OPCML: variants seen among roughly 807,000 people sequenced by gnomAD.
The protein encoded by OPCML is opioid binding protein/cell adhesion molecule like.
In OPCML, 13 loss-of-function variants were observed where a neutral mutation model predicts 37.8. That is an observed-to-expected ratio of 0.34 (90% CI 0.22 to 0.55). OPCML has a LOEUF of 0.55. Ranked by LOEUF, OPCML falls within the 20% of genes least tolerant of loss-of-function variation. The pLI is 0.91. For missense variants in OPCML, 341 were observed against 435.6 expected (o/e 0.78, Z 1.93); for synonymous variants, 176 against 168.8 (o/e 1.04, Z -0.33).
At chr11:133,355,677 G>A (rs761068933) in intron 1 of OPCML, among the ~76,000 whole-genome samples, 6 of 152,122 alleles carry the variant, frequency 3.9e-5, no homozygotes, top group African/African-American at 9.7e-5. Flanking sequence ...TTCAGTCATC[G>A]CTTCAGCTCT....
chr11:132,529,019 A>T, intron 4 of OPCML, 42 bp downstream of exon 4: 2 of 1,288,762 alleles, frequency 1.6e-6, no homozygotes, highest in Non-Finnish European at 2.2e-6. Context: ...CCAAGACTTT[A>T]ACATACTACC....
At chr11:133,140,841 C>CGACGACGAAGAAGAA (rs1949782284) in intron 1 of OPCML, among the ~76,000 whole-genome samples, 1 of 5,910 alleles carries the variant, frequency 1.7e-4, no homozygotes, top group African/African-American at 2.5e-4. Context: ...ACGAAGAAGA[C>CGACGACGAAGAAGAA]GACGACGACG....
chr11:133,064,482 C>A (rs1436432419), intron 1 of OPCML, among the ~76,000 whole-genome samples: 4 of 152,222 alleles, frequency 2.6e-5, no homozygotes, highest in Non-Finnish European at 4.4e-5. Context: ...GGAGAAGGGA[C>A]GGCCAGCTGG....
chr11:133,129,885 AT>A (rs1194117531), intron 1 of OPCML, among the ~76,000 whole-genome samples: 1 of 152,190 alleles, frequency 6.6e-6, no homozygotes, highest in Non-Finnish European at 1.5e-5. Flanking sequence ...TCCAGTCAGA[AT>A]GACAAAGCAA....
intron 3 of OPCML, among the ~76,000 whole-genome samples, chr11:132,580,313 T>C (rs1230735360): frequency 2.0e-5 from 3 of 152,170 alleles, no homozygotes; most frequent in Non-Finnish European, 4.4e-5. Context: ...GTTTAAATGA[T>C]CTTTATAAAA....
intron 4 of OPCML, among the ~76,000 whole-genome samples, chr11:132,514,130 C>T (rs1186678314): frequency 1.3e-5 from 2 of 152,206 alleles, no homozygotes; most frequent in East Asian, 3.9e-4. Flanking sequence ...TTTTTGTCTG[C>T]CTTTTGACAG....
intron 2 of OPCML, among the ~76,000 whole-genome samples, chr11:132,809,920 G>A (rs551737579): frequency 6.6e-6 from 1 of 152,132 alleles, no homozygotes; most frequent in Non-Finnish European, 1.5e-5. Context: ...CGCGATCTCG[G>A]CTCACTGCAG....
chr11:132,880,069 C>T (rs1011781906), intron 2 of OPCML, among the ~76,000 whole-genome samples: 7 of 152,160 alleles, frequency 4.6e-5, no homozygotes, highest in Non-Finnish European at 7.3e-5. Context: ...TCCTTACTTC[C>T]TTTACTTCCA....
chr11:133,451,461 G>A (rs929297161), intron 1 of OPCML, among the ~76,000 whole-genome samples: 3 of 151,764 alleles, frequency 2.0e-5, no homozygotes, highest in African/African-American at 7.3e-5. Flanking sequence ...AGAGGACAGA[G>A]TTTGAAGTGA....
chr11:132,960,916 C>T (rs946100324), intron 1 of OPCML, among the ~76,000 whole-genome samples: 1 of 152,126 alleles, frequency 6.6e-6, no homozygotes, highest in African/African-American at 2.4e-5. Flanking sequence ...GGTGAGGCTG[C>T]AGTGATGCTG....
intron 3 of OPCML, among the ~76,000 whole-genome samples, chr11:132,614,447 T>C (rs1395504314): frequency 6.6e-6 from 1 of 152,130 alleles, no homozygotes; most frequent in Non-Finnish European, 1.5e-5. Context: ...TAGCAGTGAG[T>C]GGCAGTGACA....
chr11:133,461,210 T>C (rs901487255), intron 1 of OPCML, among the ~76,000 whole-genome samples: 5 of 151,892 alleles, frequency 3.3e-5, no homozygotes, highest in Non-Finnish European at 5.9e-5. Context: ...AAAATAGTAC[T>C]AGAAGTACAA....
chr11:132,972,206 G>A (rs57981661), intron 1 of OPCML, among the ~76,000 whole-genome samples: 370 of 152,196 alleles, frequency 2.4e-3, no homozygotes, highest in African/African-American at 7.9e-3. Context: ...CAGCTTCTTC[G>A]TTGTAAAACA....
chr11:133,520,680 A>G (rs1948379638), intron 1 of OPCML, among the ~76,000 whole-genome samples: 3 of 152,124 alleles, frequency 2.0e-5, no homozygotes, highest in South Asian at 4.1e-4. Context: ...CGGAAGTTCT[A>G]CTTTTAGTAG....
intron 3 of OPCML, among the ~76,000 whole-genome samples, chr11:132,589,344 T>A (rs763744172): frequency 6.9e-4 from 105 of 152,334 alleles, no homozygotes; most frequent in Non-Finnish European, 1.2e-3. Flanking sequence ...CCATTGAACA[T>A]CTCTATTGTT....
chr11:133,023,970 C>T (rs547258833), intron 1 of OPCML, among the ~76,000 whole-genome samples: 104 of 152,290 alleles, frequency 6.8e-4, no homozygotes, highest in African/African-American at 2.5e-3. Context: ...GAGCAGCCAG[C>T]AGCATGGATC....
intron 4 of OPCML, among the ~76,000 whole-genome samples, chr11:132,512,755 A>AAT (rs146083170): frequency 8.6e-5 from 13 of 151,194 alleles, no homozygotes; most frequent in African/African-American, 1.9e-4. Flanking sequence ...ATATACATGT[A>AAT]ATATATATAT....
intron 3 of OPCML, among the ~76,000 whole-genome samples, chr11:132,587,883 A>G (rs1565688266): frequency 6.6e-6 from 1 of 152,184 alleles, no homozygotes; most frequent in Non-Finnish European, 1.5e-5. Flanking sequence ...GAGTAGAAGT[A>G]GGAGCTACCC....
chr11:133,154,146 C>T (rs1247883758), intron 1 of OPCML, among the ~76,000 whole-genome samples: 1 of 151,558 alleles, frequency 6.6e-6, no homozygotes, highest in Non-Finnish European at 1.5e-5. Flanking sequence ...AGGGGATGTG[C>T]GGAGCAGGAT....
Sources: gnomAD v4.1 joint callset for allele counts (sites outside exome capture counted in the v4.1 genomes callset) on GRCh38, gnomAD v4.1.1 for gene constraint, MANE v1.5 for transcripts, NCBI Gene and HGNC (gene_info 2026-07-23, HGNC 2026-07-21) for gene names.